Variants in TSHR observed in about 807,000 individuals in gnomAD.
TSHR encodes the protein thyroid stimulating hormone receptor, also known as thyrotropin receptor.
Under a neutral mutation model 64.1 loss-of-function variants are expected in TSHR, and 51 were observed. The ratio of observed to expected loss-of-function variants is 0.80; its 90% CI spans 0.64 to 1.01. TSHR has a LOEUF of 1.01. Among genes scored for constraint, TSHR ranks in the 50% least tolerant of loss-of-function variants. The pLI, the probability that TSHR is intolerant of heterozygous loss-of-function variation, is 0.00. For missense variants in TSHR, 877 were observed against 942.8 expected (o/e 0.93, Z 0.91); for synonymous variants, 361 against 361.9 (o/e 1.00, Z 0.03).
intron 8 of TSHR, among the ~76,000 whole-genome samples, chr14:81,118,724 A>C (rs571435160): frequency 3.9e-5 from 6 of 152,310 alleles, no homozygotes; most frequent in African/African-American, 1.4e-4. Flanking sequence ...CGCCAAGTGA[A>C]TCCTAAGCCA....
At chr14:81,044,019 T>C (rs140176694) in intron 1 of TSHR, among the ~76,000 whole-genome samples, 2 of 152,120 alleles carry the variant, frequency 1.3e-5, no homozygotes, top group African/African-American at 4.8e-5. Context: ...TCAGGACATA[T>C]GCACAGGCAA....
chr14:81,075,678 C>T (rs1163814870), intron 3 of TSHR, among the ~76,000 whole-genome samples: 1 of 136,338 alleles, frequency 7.3e-6, no homozygotes, highest in Non-Finnish European at 1.5e-5. Context: ...GAAATAGGAA[C>T]ACTTTTACAC....
At chr14:81,136,405 T>C (rs1372370144) in intron 8 of TSHR, among the ~76,000 whole-genome samples, 1 of 148,224 alleles carries the variant, frequency 6.7e-6, no homozygotes, top group African/African-American at 2.6e-5. Flanking sequence ...ACAATGGTCT[T>C]GAGGAAATCC....
intron 1 of TSHR, among the ~76,000 whole-genome samples, chr14:81,026,478 G>A (rs1409430598): frequency 1.3e-5 from 2 of 152,054 alleles, no homozygotes; most frequent in African/African-American, 4.8e-5. Flanking sequence ...ACATAAAGAA[G>A]CAAGGCAACA....
rs543377352 is a variant in TSHR, at chr14:81,096,495, A to T, written c.546-144A>T. On this transcript the variant is annotated intron_variant, in intron 6 of 9. Transcript: ENST00000298171. ...TTGTTTCCAACAACTTGTACTGGAA[A>T]GTTTTCTTGTGGGATACATATGTGG... 6.7e-5 allele frequency: 50 copies of T among 744,244 alleles called. 1 individual carries two copies. In the Admixed American group the frequency reaches 9.4e-4, roughly 14 times the overall value. 46.1% of individuals were successfully genotyped at this position (744,244 alleles called of 1,614,324 possible).
At chr14:81,022,106 C>CA (rs10631450) in intron 1 of TSHR, among the ~76,000 whole-genome samples, 44,063 of 115,472 alleles carry the variant, frequency 0.38, 8,810 homozygotes, top group East Asian at 0.54. Context: ...ACTAAAAATA[C>CA]AAAAAAAAAA....
In TSHR at chr14:81,130,718, G is replaced by A. The variant is rs1437733232; in HGVS notation, c.693-8961G>A. 3.3e-5 allele frequency among the ~76,000 whole-genome samples: 3 copies of A among 90,960 alleles called. 1 individual carries two copies. Among genetic ancestry groups the A allele is most frequent in the East Asian group, 6.8e-4 (2 of 2,942 alleles). 59.7% of individuals were successfully genotyped at this position (90,960 alleles called of 152,430 possible). On this transcript the variant is annotated intron_variant, in intron 8 of 9. Coordinates refer to ENST00000298171, the MANE Select transcript of TSHR (RefSeq NM_000369.5). The stretch of plus-strand genomic sequence containing the variant: ...TTATAAAACACTGCTTGGGCCGGGC[G>A]CGGTGGCTCACGCCTGTAATCCCAG...
At chr14:81,098,674 A>T (rs1009125852) in intron 7 of TSHR, among the ~76,000 whole-genome samples, 1 of 152,192 alleles carries the variant, frequency 6.6e-6, no homozygotes, top group African/African-American at 2.4e-5. Context: ...GTTAGCATAA[A>T]GGCAACAAAG....
At chr14:81,015,766 C>T (rs1402368460) in intron 1 of TSHR, among the ~76,000 whole-genome samples, 1 of 152,060 alleles carries the variant, frequency 6.6e-6, no homozygotes, top group African/African-American at 2.4e-5. Context: ...CTTTCACCAA[C>T]ATTTCCCCAA....
At chr14:80,983,094 G>A in intron 1 of TSHR, 1 of 648,346 alleles carries the variant, frequency 1.5e-6, no homozygotes, top group South Asian at 2.3e-5. Context: ...GATGCTTATT[G>A]AAAGCTTGCT....
intron 1 of TSHR, among the ~76,000 whole-genome samples, chr14:80,973,058 A>C (rs904387890): frequency 6.6e-6 from 1 of 152,170 alleles, no homozygotes; most frequent in Non-Finnish European, 1.5e-5. Context: ...TAGCAGCCCC[A>C]TTCCATGCTG....
intron 3 of TSHR, among the ~76,000 whole-genome samples, chr14:81,079,627 G>C (rs1038516066): frequency 4.6e-5 from 7 of 152,232 alleles, no homozygotes; most frequent in Admixed American, 4.6e-4. Context: ...TGAGGCAGAA[G>C]GATGGCTTGA....
chr14:81,002,781 C>CTTTTTTTTTTTTTTTTTTTT (rs1174635270), intron 1 of TSHR, among the ~76,000 whole-genome samples: 16 of 44,324 alleles, frequency 3.6e-4, no homozygotes, highest in East Asian at 2.0e-3. Flanking sequence ...CCTAATGCCT[C>CTTTTTTTTTTTTTTTTTTTT]TTTTTTTTTT....
intron 8 of TSHR, among the ~76,000 whole-genome samples, chr14:81,136,599 T>G (rs996358757): frequency 2.0e-5 from 3 of 152,170 alleles, no homozygotes; most frequent in African/African-American, 7.2e-5. Context: ...AATAAGCAGT[T>G]GGATATACAA....
At chr14:81,084,897 C>T (rs1888173114) in intron 3 of TSHR, among the ~76,000 whole-genome samples, 1 of 152,186 alleles carries the variant, frequency 6.6e-6, no homozygotes, top group East Asian at 1.9e-4. Flanking sequence ...TCTGCCCTTC[C>T]TTTCTTCCTA....
At chr14:81,084,140 G>A (rs2139955727) in intron 3 of TSHR, among the ~76,000 whole-genome samples, 1 of 152,308 alleles carries the variant, frequency 6.6e-6, no homozygotes, top group South Asian at 2.1e-4. Flanking sequence ...GGGACACAGA[G>A]CCAGACCATA....
intron 7 of TSHR, chr14:81,102,927 A>AT (rs914033076): frequency 4.1e-6 from 4 of 985,166 alleles, no homozygotes; most frequent in African/African-American, 3.5e-5. Flanking sequence ...TAGAAAACAA[A>AT]TTTTTTTAAT....
At chr14:81,112,023 A>G (rs999366841) in intron 8 of TSHR, among the ~76,000 whole-genome samples, 1 of 152,068 alleles carries the variant, frequency 6.6e-6, no homozygotes, top group African/African-American at 2.4e-5. Flanking sequence ...GATTTTCTAC[A>G]AGACTCTCCC....
At chr14:81,062,068 T>C in intron 1 of TSHR, 80 bp from the exon 2 acceptor site, 1 of 1,227,798 alleles carries the variant, frequency 8.1e-7, no homozygotes. Flanking sequence ...GCTTTTTAAT[T>C]ATGTGTTTTT....
Sources: gnomAD v4.1 joint callset for allele counts (sites outside exome capture counted in the v4.1 genomes callset) on GRCh38, gnomAD v4.1.1 for gene constraint, MANE v1.5 for transcripts, NCBI Gene and HGNC (gene_info 2026-07-23, HGNC 2026-07-21) for gene names.